ZNF83: variants seen among roughly 807,000 people sequenced by gnomAD.
ZNF83 encodes the protein zinc finger protein 816B.
For synonymous variants in ZNF83, 209 were observed against 213.0 expected, an observed-to-expected ratio of 0.98 and a Z score of 0.17; for missense variants, 552 against 629.9, an observed-to-expected ratio of 0.88 and a Z score of 1.32.
intron 2 of ZNF83, among the ~76,000 whole-genome samples, chr19:52,616,288 G>A (rs2060302135): frequency 1.3e-5 from 2 of 152,196 alleles, no homozygotes; most frequent in Admixed American, 1.3e-4. Context: ...GCAAGTAAGT[G>A]AGGTCAATGG....
chr19:52,663,377 T>C (rs1426774551), intron 1 of ZNF83, among the ~76,000 whole-genome samples: 1 of 152,212 alleles, frequency 6.6e-6, no homozygotes, highest in Non-Finnish European at 1.5e-5. Flanking sequence ...AAATGAGATC[T>C]GAGCAAATGT....
chr19:52,676,655 G>A (rs1393136187), intron 1 of ZNF83, among the ~76,000 whole-genome samples: 1 of 143,426 alleles, frequency 7.0e-6, no homozygotes, highest in Non-Finnish European at 1.6e-5. Flanking sequence ...AACGGGCCAG[G>A]ATGACAATGG....
At chr19:52,678,449 C>CAAAAAAAA (rs11387898) in intron 1 of ZNF83, among the ~76,000 whole-genome samples, 1 of 109,592 alleles carries the variant, frequency 9.1e-6, no homozygotes, top group Non-Finnish European at 1.8e-5. Context: ...GACTTCATCT[C>CAAAAAAAA]AAAAAAAAAA....
intron 2 of ZNF83, among the ~76,000 whole-genome samples, chr19:52,659,612 T>TAAAAAA (rs2061551903): frequency 3.8e-5 from 2 of 52,920 alleles, no homozygotes; most frequent in African/African-American, 9.2e-5. Flanking sequence ...AGACTCCAAC[T>TAAAAAA]CAAAAAAAAA....
chr19:52,663,288 C>G (rs930602215), intron 1 of ZNF83, among the ~76,000 whole-genome samples: 2 of 152,134 alleles, frequency 1.3e-5, no homozygotes, highest in Admixed American at 6.5e-5. Context: ...AGAAAAATGA[C>G]AGTAATACGT....
chr19:52,685,536 T>C (rs560286219), intron 1 of ZNF83, among the ~76,000 whole-genome samples: 6 of 152,234 alleles, frequency 3.9e-5, no homozygotes, highest in African/African-American at 1.4e-4. Flanking sequence ...CACACAGTAA[T>C]TGACCTTGAA....
chr19:52,649,317 A>G (rs558469134), intron 3 of ZNF83, among the ~76,000 whole-genome samples: 1 of 152,200 alleles, frequency 6.6e-6, no homozygotes, highest in East Asian at 1.9e-4. Context: ...CAGCTTTTGT[A>G]TCGTTTTATA....
chr19:52,664,637 G>T (rs1021440629), intron 1 of ZNF83, among the ~76,000 whole-genome samples: 1 of 152,090 alleles, frequency 6.6e-6, no homozygotes, highest in Admixed American at 6.5e-5. Context: ...GCCAGGACTG[G>T]GGGGTGGAAC....
At chr19:52,658,395 A>C (rs190500633) in intron 2 of ZNF83, among the ~76,000 whole-genome samples, 16 of 152,102 alleles carry the variant, frequency 1.1e-4, no homozygotes, top group Non-Finnish European at 2.1e-4. Context: ...GTGAAATTTC[A>C]TCTCTACCAA....
intron 2 of ZNF83, among the ~76,000 whole-genome samples, chr19:52,631,764 T>C (rs1234320846): frequency 2.6e-5 from 4 of 152,190 alleles, no homozygotes; most frequent in Non-Finnish European, 5.9e-5. Flanking sequence ...TGATGGCGGT[T>C]CCACCAGGCC....
chr19:52,616,365 C>T (rs2060305222), intron 2 of ZNF83, among the ~76,000 whole-genome samples: 1 of 152,138 alleles, frequency 6.6e-6, no homozygotes, highest in African/African-American at 2.4e-5. Flanking sequence ...CCAGCAATCC[C>T]ATTACTGGGT....
intron 3 of ZNF83, chr19:52,652,214 G>A (rs183033247): frequency 9.7e-5 from 21 of 216,648 alleles, no homozygotes; most frequent in South Asian, 1.3e-4. Context: ...CGAGGCAGGC[G>A]GATCACAAGA....
Position 52,676,989 on chromosome 19 carries a change from CG to C in ZNF83, c.-283+13453del, listed in dbSNP as rs1213543833. Reference sequence around the variant, plus strand: ...CAAGTAATCAGGGACACAAACACTGCGGAAGGCCGCAGGGTCCTCTGCCTAG... The same window carrying C: ...CAAGTAATCAGGGACACAAACACTGCGAAGGCCGCAGGGTCCTCTGCCTAG... On this transcript the variant is annotated intron_variant, in intron 1 of 5. Coordinates refer to the ZNF83 transcript ENST00000594682. Among the ~76,000 whole-genome samples, 4 of 144,722 alleles carry C rather than the reference CG, an allele frequency of 2.8e-5. No homozygotes were observed. The East Asian group carries it at 7.9e-4, about 29-fold the overall frequency. The allele number at this position is 144,722 out of a possible 152,430, so 94.9% of individuals were successfully genotyped here.
intron 2 of ZNF83, among the ~76,000 whole-genome samples, chr19:52,615,750 G>A (rs959767274): frequency 2.0e-5 from 3 of 152,210 alleles, no homozygotes; most frequent in Non-Finnish European, 4.4e-5. Flanking sequence ...TCAGTCTACA[G>A]TATTTCTTAT....
chr19:52,687,599 G>T (rs1160383973), intron 1 of ZNF83, among the ~76,000 whole-genome samples: 448 of 16,722 alleles, frequency 0.027, 9 homozygotes, highest in African/African-American at 0.18. Flanking sequence ...TATATATAAT[G>T]TATATATATA....
In ZNF83 at chr19:52,648,153, CT is replaced by C. The variant is rs375992477; in HGVS notation, c.-74+7407del. ...TGCTTTTCTCCTCCTGCTTTCTTAT[CT>C]TTTTTTTTTTTCACTTTTGTCACCT... On this transcript the variant is annotated intron_variant, in intron 3 of 5. Coordinates refer to the ZNF83 transcript ENST00000594682. 4.4e-3 allele frequency among the ~76,000 whole-genome samples: 628 copies of C among 143,534 alleles called. 6 individuals are homozygous for C. The highest frequency in any genetic ancestry group is 0.013 in the African/African-American group (522 of 39,624). The allele number at this position is 143,534 out of a possible 152,430, so 94.2% of individuals were successfully genotyped here. A position where few individuals can be genotyped will look rare whatever the true frequency, so the allele number is the denominator to read the frequency against.
chr19:52,657,496 C>T (rs1469741781), intron 2 of ZNF83, among the ~76,000 whole-genome samples: 1 of 150,248 alleles, frequency 6.7e-6, no homozygotes, highest in African/African-American at 2.4e-5. Flanking sequence ...CCACTGCACT[C>T]CAGCCTGGGT....
At chr19:52,647,551 G>A (rs2147240647) in intron 3 of ZNF83, among the ~76,000 whole-genome samples, 1 of 151,994 alleles carries the variant, frequency 6.6e-6, no homozygotes, top group East Asian at 1.9e-4. Context: ...TAAAGTGCTG[G>A]GATTACAGGC....
At chr19:52,613,896 A>C in exon 3 of ZNF83, 2 of 1,613,898 alleles carry the variant, frequency 1.2e-6, no homozygotes, top group South Asian at 2.2e-5. Flanking sequence ...GAATTGTCCG[A>C]TGTTGTGCAA....
Sources: allele counts gnomAD v4.1 joint callset (sites outside exome capture counted in the v4.1 genomes callset), GRCh38; gene constraint gnomAD v4.1.1; transcripts MANE v1.5; gene names NCBI Gene and HGNC (gene_info 2026-07-23, HGNC 2026-07-21).